Variants in MAP2K6 observed in about 807,000 individuals in gnomAD.
The protein encoded by MAP2K6 is dual specificity mitogen-activated protein kinase kinase 6.
A neutral mutation model predicts 53.7 loss-of-function variants in MAP2K6; 16 were observed. The observed-to-expected ratio is 0.30, with a 90% CI of 0.20 to 0.45. The LOEUF is 0.45. Among genes scored for constraint, MAP2K6 ranks in the 20% least tolerant of loss-of-function variants. The pLI, the probability that MAP2K6 is intolerant of heterozygous loss-of-function variation, is 1.00. For synonymous variants in MAP2K6, 132 were observed against 143.1 expected, an observed-to-expected ratio of 0.92 and a Z score of 0.55; for missense variants, 204 against 411.9, an observed-to-expected ratio of 0.50 and a Z score of 4.37.
Position 69,508,972 on chromosome 17 carries a change from G to A in MAP2K6, c.83+3126G>A, listed in dbSNP as rs59183769. ...TTTATTCTGTTCCACTGATTTATTT[G>A]TCTCTCCCTCTGCCAGTATGACATT... On this transcript the variant is annotated intron_variant, in intron 2 of 11. Coordinates refer to ENST00000590474, the MANE Select transcript of MAP2K6 (RefSeq NM_002758.4). 7.3e-3 allele frequency among the ~76,000 whole-genome samples: 1,105 copies of A among 152,160 alleles called. 14 individuals are homozygous for A. Among genetic ancestry groups the A allele is most frequent in the African/African-American group, 0.026 (1,058 of 41,484 alleles).
chr17:69,422,905 T>C (rs940617048), intron 1 of MAP2K6, among the ~76,000 whole-genome samples: 1 of 152,146 alleles, frequency 6.6e-6, no homozygotes, highest in African/African-American at 2.4e-5. Context: ...TTGTTTGAGA[T>C]GGAGTTGCGC....
In MAP2K6 at chr17:69,512,328, GTTTTTTTTTTGTTT is replaced by G. The variant is rs1388366704; in HGVS notation, c.84-4516_84-4503del. ...TTCTAATCTCATTGTCTTTCTAAGTGTTTTTTTTTTGTTTTTTTTTTTTTTTTTTGAGACAGAGT... is the reference window on the plus strand; with the variant it reads ...TTCTAATCTCATTGTCTTTCTAAGTGTTTTTTTTTTTTTTTGAGACAGAGT... On this transcript the variant is annotated intron_variant, in intron 2 of 11. Transcript: ENST00000590474. Among the ~76,000 whole-genome samples, 484 of 75,214 alleles carry G rather than the reference GTTTTTTTTTTGTTT, an allele frequency of 6.4e-3. 16 individuals are homozygous for G. The highest frequency in any genetic ancestry group is 0.044 in the Middle Eastern group (3 of 68). The allele number at this position is 75,214 out of a possible 152,430, so 49.3% of individuals were successfully genotyped here.
chr17:69,497,894 C>T (rs2145210258), intron 1 of MAP2K6, among the ~76,000 whole-genome samples: 1 of 152,262 alleles, frequency 6.6e-6, no homozygotes, highest in South Asian at 2.1e-4. Flanking sequence ...CTCAGGTACC[C>T]TTAAATCCTA....
chr17:69,503,636 G>A (rs193039574), intron 1 of MAP2K6, among the ~76,000 whole-genome samples: 2 of 152,216 alleles, frequency 1.3e-5, no homozygotes, highest in African/African-American at 4.8e-5. Flanking sequence ...TTTGGATTCT[G>A]AAGGAATTGA....
intron 1 of MAP2K6, among the ~76,000 whole-genome samples, chr17:69,422,946 C>T (rs116166016): frequency 0.02 from 3,070 of 152,232 alleles, 107 homozygotes; most frequent in African/African-American, 0.07. Context: ...TGCAATGGCG[C>T]GATCTTGGCT....
intron 1 of MAP2K6, among the ~76,000 whole-genome samples, chr17:69,449,834 C>T (rs1461689738): frequency 1.3e-5 from 2 of 151,282 alleles, no homozygotes; most frequent in African/African-American, 2.4e-5. Flanking sequence ...AGGATGGTCT[C>T]GATCTCCTGA....
chr17:69,496,469 A>G (rs1412433360), intron 1 of MAP2K6, among the ~76,000 whole-genome samples: 1 of 152,004 alleles, frequency 6.6e-6, no homozygotes, highest in Non-Finnish European at 1.5e-5. Context: ...ATGGGGTTCC[A>G]GCGATTCTCC....
Position 69,500,390 on chromosome 17 carries a change from G to C in MAP2K6, c.17-5390G>C, listed in dbSNP as rs565166907. Among the ~76,000 whole-genome samples, 42 of 148,420 alleles carry C rather than the reference G, an allele frequency of 2.8e-4. 1 individual carries two copies. In the South Asian group the frequency reaches 9.1e-3, roughly 32 times the overall value. ...TTGAACGTGGGAAGCAGAGGTTTCG[G>C]TGAGCCTAGATAGGACCACTGCACT... is the stretch of plus-strand genomic sequence containing the variant. On this transcript the variant is annotated intron_variant, in intron 1 of 11. Transcript: ENST00000590474.
intron 1 of MAP2K6, among the ~76,000 whole-genome samples, chr17:69,449,114 C>G (rs1168134318): frequency 6.6e-6 from 1 of 152,200 alleles, no homozygotes; most frequent in African/African-American, 2.4e-5. Flanking sequence ...TGGAGCCAGG[C>G]TACCTGGGTT....
intron 1 of MAP2K6, among the ~76,000 whole-genome samples, chr17:69,499,480 G>A (rs66517015): frequency 0.043 from 6,615 of 152,210 alleles, 425 homozygotes; most frequent in East Asian, 0.15. Context: ...TCAACATTAC[G>A]TCACTAAGTG....
chr17:69,515,186 T>A (rs1910077803), intron 2 of MAP2K6, among the ~76,000 whole-genome samples: 1 of 151,128 alleles, frequency 6.6e-6, no homozygotes, highest in Non-Finnish European at 1.5e-5. Context: ...ATACAGAGTC[T>A]CACTCTGTCA....
chr17:69,436,211 C>T (rs1390411575), intron 1 of MAP2K6, among the ~76,000 whole-genome samples: 2 of 152,142 alleles, frequency 1.3e-5, no homozygotes, highest in African/African-American at 4.8e-5. Flanking sequence ...ATCCTAATCC[C>T]TCACCCTCCA....
intron 1 of MAP2K6, among the ~76,000 whole-genome samples, chr17:69,458,178 C>G (rs1907486482): frequency 1.3e-5 from 2 of 152,112 alleles, no homozygotes; most frequent in Admixed American, 6.5e-5. Context: ...CTGAGCCTCC[C>G]AAGTAGCTGG....
At chr17:69,499,315 C>A (rs887699839) in intron 1 of MAP2K6, among the ~76,000 whole-genome samples, 2 of 152,158 alleles carry the variant, frequency 1.3e-5, no homozygotes, top group Admixed American at 1.3e-4. Context: ...ATGGAAGGGA[C>A]AAAAGGAAGT....
chr17:69,520,494 G>C (rs981710364), intron 6 of MAP2K6, 108 bp downstream of exon 6: 1 of 684,694 alleles, frequency 1.5e-6, no homozygotes, highest in East Asian at 2.5e-5. Context: ...GCTACTATTC[G>C]TACATGTCTG....
chr17:69,444,177 T>C (rs897199002), intron 1 of MAP2K6, among the ~76,000 whole-genome samples: 1 of 152,150 alleles, frequency 6.6e-6, no homozygotes, highest in African/African-American at 2.4e-5. Context: ...GAACTACAAT[T>C]TGGTTACTTT....
chr17:69,532,265 C>T (rs779461154), intron 10 of MAP2K6, among the ~76,000 whole-genome samples: 12 of 152,160 alleles, frequency 7.9e-5, no homozygotes, highest in African/African-American at 1.2e-4. Context: ...CCTTGAAACG[C>T]GCAATGTGTT....
intron 10 of MAP2K6, among the ~76,000 whole-genome samples, chr17:69,528,859 C>CAAAAA (rs58897757): frequency 8.5e-5 from 5 of 59,116 alleles, no homozygotes; most frequent in East Asian, 6.3e-4. Context: ...GACGCCATCT[C>CAAAAA]AAAAAAAAAA....
intron 1 of MAP2K6, among the ~76,000 whole-genome samples, chr17:69,436,554 A>T (rs1906647330): frequency 6.6e-6 from 1 of 152,174 alleles, no homozygotes; most frequent in Non-Finnish European, 1.5e-5. Context: ...TAAATAAATT[A>T]TTTTTATCAG....
Sources: gnomAD v4.1 joint callset for allele counts (sites outside exome capture counted in the v4.1 genomes callset) on GRCh38, gnomAD v4.1.1 for gene constraint, MANE v1.5 for transcripts, NCBI Gene and HGNC (gene_info 2026-07-23, HGNC 2026-07-21) for gene names.